Variants in SCFD2 observed in about 807,000 individuals in gnomAD.
SCFD2 encodes the protein sec1 family domain containing 2.
In SCFD2, 54 loss-of-function variants were observed where a neutral mutation model predicts 58.9. The ratio of observed to expected loss-of-function variants is 0.92; its 90% confidence interval spans 0.74 to 1.15. The LOEUF is 1.15. SCFD2 is among the 50% of genes most tolerant of loss of function. The pLI is 0.00. For missense variants in SCFD2, 805 were observed against 836.6 expected, an observed-to-expected ratio of 0.96 and a Z score of 0.47; for synonymous variants, 321 against 335.9, an observed-to-expected ratio of 0.96 and a Z score of 0.49.
chr4:53,311,660 G>T (rs557966835), intron 3 of SCFD2, among the ~76,000 whole-genome samples: 1 of 148,940 alleles, frequency 6.7e-6, no homozygotes. Flanking sequence ...TTTTTTAAAC[G>T]GTGTCTCACT....
intron 3 of SCFD2, among the ~76,000 whole-genome samples, chr4:53,296,448 A>G (rs774492956): frequency 1.6e-4 from 24 of 152,094 alleles, no homozygotes; most frequent in African/African-American, 7.2e-5. Context: ...GTATTCTCCG[A>G]TGGTAGATTG....
At chr4:52,961,633 G>C (rs928961073) in intron 5 of SCFD2, among the ~76,000 whole-genome samples, 1 of 152,158 alleles carries the variant, frequency 6.6e-6, no homozygotes, top group Non-Finnish European at 1.5e-5. Context: ...GATGGGAGGG[G>C]AGGCATGAAT....
chr4:53,212,188 G>A (rs1728633910), intron 4 of SCFD2, among the ~76,000 whole-genome samples: 1 of 151,938 alleles, frequency 6.6e-6, no homozygotes, highest in African/African-American at 2.4e-5. Flanking sequence ...CCACTGTTGG[G>A]AAAGCATTCT....
rs1313855280 is a variant in SCFD2, at chr4:53,365,686, C to G, written c.256G>C (p.Val86Leu). Reference sequence around the variant, plus strand: ...CAGATGATGTCCCGTAGGATCTCCACGGTCCGGCCTTTCAGCAGGCAGCTC... The same window carrying G: ...CAGATGATGTCCCGTAGGATCTCCAGGGTCCGGCCTTTCAGCAGGCAGCTC... ...VLSCLLKGRTVEILRDIICRS... is the reference protein window; with the variant it reads ...VLSCLLKGRTLEILRDIICRS... The change falls in exon 1 of 9, where the codon GTG becomes CTG. Residue 86 changes from valine to leucine, a missense_variant. Around this residue, in one of 3 missense-constraint regions of SCFD2, gnomAD observed 155 missense variants for 149.7 expected, o/e 1.04. Coordinates refer to ENST00000401642, the MANE Select transcript of SCFD2 (RefSeq NM_152540.4). This position sits in a 1 kb window ranked among gnomAD's most constrained non-coding sequence, Gnocchi z 4.3. 4 of 1,614,090 alleles carry G rather than the reference C, an allele frequency of 2.5e-6. 1 individual carries two copies. In the Middle Eastern group the frequency reaches 4.9e-4, roughly 199 times the overall value.
At chr4:53,162,655 A>T (rs1726886565) in intron 4 of SCFD2, among the ~76,000 whole-genome samples, 1 of 142,988 alleles carries the variant, frequency 7.0e-6, no homozygotes, top group South Asian at 2.5e-4. Context: ...ATGGTATCTC[A>T]TTGTGGACAC....
chr4:52,922,638 C>T (rs28432778), intron 5 of SCFD2, among the ~76,000 whole-genome samples: 7,504 of 152,106 alleles, frequency 0.049, 225 homozygotes, highest in South Asian at 0.12. Flanking sequence ...TTGTTTTTGC[C>T]TTTTGGTTAT....
At chr4:53,093,950 T>C (rs1724544921) in intron 5 of SCFD2, among the ~76,000 whole-genome samples, 1 of 152,062 alleles carries the variant, frequency 6.6e-6, no homozygotes, top group Admixed American at 6.6e-5. Context: ...AACTAAAAAA[T>C]GAATAACATT....
At chr4:53,214,800 T>A (rs146654048) in intron 4 of SCFD2, among the ~76,000 whole-genome samples, 81,904 of 151,916 alleles carry the variant, frequency 0.54, 22,373 homozygotes, top group Middle Eastern at 0.62. Context: ...AACATGTAAG[T>A]CTTTAATCCA....
intron 7 of SCFD2, among the ~76,000 whole-genome samples, chr4:52,901,526 A>G (rs1484095932): frequency 6.6e-6 from 1 of 152,200 alleles, no homozygotes; most frequent in East Asian, 1.9e-4. Flanking sequence ...GAATGGCCAC[A>G]TGGAAAGAAA....
intron 5 of SCFD2, among the ~76,000 whole-genome samples, chr4:52,985,429 A>C (rs780870272): frequency 2.0e-5 from 3 of 152,198 alleles, no homozygotes; most frequent in Non-Finnish European, 4.4e-5. Context: ...CTAAAATAGA[A>C]GGCTTTCAAG....
chr4:53,209,409 T>A (rs1033653381), intron 4 of SCFD2, among the ~76,000 whole-genome samples: 3 of 152,106 alleles, frequency 2.0e-5, no homozygotes, highest in African/African-American at 7.3e-5. Flanking sequence ...GTGTGATGAC[T>A]CTCTTCAAAG....
At chr4:52,900,329 G>T (rs1379263449) in intron 7 of SCFD2, among the ~76,000 whole-genome samples, 1 of 152,152 alleles carries the variant, frequency 6.6e-6, no homozygotes, top group Non-Finnish European at 1.5e-5. Flanking sequence ...TGGGTTTTTG[G>T]TGTGGATGTC....
At chr4:52,992,785 C>T (rs974421774) in intron 5 of SCFD2, among the ~76,000 whole-genome samples, 2 of 151,946 alleles carry the variant, frequency 1.3e-5, no homozygotes, top group African/African-American at 2.4e-5. Context: ...GCCCCCCCTC[C>T]GCCAGGCAGC....
chr4:53,285,641 A>G (rs1313596322), intron 3 of SCFD2, among the ~76,000 whole-genome samples: 1 of 152,112 alleles, frequency 6.6e-6, no homozygotes, highest in Non-Finnish European at 1.5e-5. Flanking sequence ...AGTACAGTAC[A>G]GCAAGGGAGT....
At chr4:53,222,403 G>T (rs1729074235) in intron 4 of SCFD2, among the ~76,000 whole-genome samples, 1 of 152,192 alleles carries the variant, frequency 6.6e-6, no homozygotes, top group Non-Finnish European at 1.5e-5. Context: ...GACTGCAAAA[G>T]CTTAACTGTC....
intron 1 of SCFD2, among the ~76,000 whole-genome samples, chr4:53,357,940 C>T (rs1045071131): frequency 6.6e-6 from 1 of 152,194 alleles, no homozygotes; most frequent in African/African-American, 2.4e-5. Context: ...CCACTTAACA[C>T]ATGTGTAATC....
At chr4:53,001,051 C>T (rs2148800508) in intron 5 of SCFD2, among the ~76,000 whole-genome samples, 1 of 152,340 alleles carries the variant, frequency 6.6e-6, no homozygotes, top group Admixed American at 6.5e-5. Context: ...ACAACACTAG[C>T]AATTTTGATA....
At position 53,156,707 on chromosome 4, in the gene SCFD2, A is replaced by C. The variant is rs187251763; in HGVS notation, c.1312-11125T>G. 3.9e-5 allele frequency among the ~76,000 whole-genome samples: 6 copies of C among 152,352 alleles called. No homozygotes were observed. In the East Asian group the frequency reaches 1.2e-3, roughly 29 times the overall value. ...AGTGAGACTCCGTCTCAAAACAAAC[A>C]AAGAGCTCATGACAAAGCGGTCAAA... On this transcript the variant is annotated intron_variant, in intron 4 of 8. Coordinates refer to ENST00000401642, the MANE Select transcript of SCFD2 (RefSeq NM_152540.4).
At chr4:53,012,211 C>A (rs1371380534) in intron 5 of SCFD2, among the ~76,000 whole-genome samples, 8 of 152,064 alleles carry the variant, frequency 5.3e-5, no homozygotes, top group Non-Finnish European at 1.2e-4. Flanking sequence ...TAATGACTCA[C>A]CCCTTGACAA....
Sources: gnomAD v4.1 joint callset for allele counts (sites outside exome capture counted in the v4.1 genomes callset) on GRCh38, gnomAD v4.1.1 for gene constraint, gnomAD v4.1.1 regional missense constraint, Gnocchi (gnomAD v3.1) non-coding constraint, MANE v1.5 for transcripts, NCBI Gene and HGNC (gene_info 2026-07-23, HGNC 2026-07-21) for gene names.